ECHS1: variants seen among roughly 807,000 people sequenced by gnomAD.
ECHS1 encodes the protein enoyl-CoA hydratase, mitochondrial.
ECHS1 carries 19 observed loss-of-function variants against 33.5 expected under a neutral mutation model. The ratio of observed to expected loss-of-function variants is 0.57; its 90% CI spans 0.40 to 0.83. The LOEUF (loss-of-function observed/expected upper bound fraction) is 0.83. ECHS1 is among the 40% of genes least tolerant of loss of function. ECHS1 has a pLI of 0.00. For missense variants in ECHS1, 365 were observed against 381.3 expected, an observed-to-expected ratio of 0.96 and a Z score of 0.36; for synonymous variants, 158 against 146.6, an observed-to-expected ratio of 1.08 and a Z score of -0.56.
intron 5 of ECHS1, among the ~76,000 whole-genome samples, chr10:133,366,575 G>A (rs530755016): frequency 6.6e-6 from 1 of 152,392 alleles, no homozygotes; most frequent in East Asian, 1.9e-4. Context: ...ACCACCGTGG[G>A]GGCACTTGGA....
chr10:133,369,406 C>T (rs113253592), intron 3 of ECHS1, among the ~76,000 whole-genome samples: 434 of 26,412 alleles, frequency 0.016, 7 homozygotes, highest in African/African-American at 0.024. Context: ...TCCGCAGACC[C>T]CTGGTTTACA....
intron 4 of ECHS1, among the ~76,000 whole-genome samples, chr10:133,368,160 C>T (rs142085958): frequency 1.3e-5 from 2 of 152,314 alleles, no homozygotes; most frequent in East Asian, 3.9e-4. Flanking sequence ...CTACACTCCC[C>T]CAACACCCTG....
chr10:133,370,834 C>T, intron 1 of ECHS1, 77 bp from the exon 2 acceptor site: 2 of 1,468,162 alleles, frequency 1.4e-6, no homozygotes, highest in South Asian at 2.7e-5. Context: ...GGATGTGGCC[C>T]CATCGGTGGA....
chr10:133,370,136 A>C (rs1849084284), intron 2 of ECHS1, 105 bp from the exon 3 acceptor site: 1 of 1,496,350 alleles, frequency 6.7e-7, no homozygotes, highest in South Asian at 1.3e-5. Flanking sequence ...AGACACAGGC[A>C]GTGGGGTTGC....
Position 133,373,295 on chromosome 10 carries a change from G to A in ECHS1, c.39C>T (p.Gly13=), listed in dbSNP as rs750839674. The A allele has an allele frequency of 6.7e-7, 1 of 1,486,698 alleles. No homozygotes were observed. Among genetic ancestry groups the A allele is most frequent in the Admixed American group, 2.3e-5 (1 of 44,114 alleles). 92.1% of individuals were successfully genotyped at this position (1,486,698 alleles called of 1,614,324 possible). ...ALRVLLSCVR[G]PLRPPVRCPA... ...GACAGCGAACCGGGGGCCTCAGCGG[G>A]CCGCGGACGCAGGACAGCAGGACAC... The change falls in exon 1 of 8, where the codon GGC becomes GGT. Residue 13 remains glycine (G), a synonymous_variant. Coordinates refer to ENST00000368547, the MANE Select transcript of ECHS1 (RefSeq NM_004092.4).
chr10:133,366,775 C>CCCTGGGTTTCTGTGGGGCT (rs1479731234), intron 5 of ECHS1, 114 bp downstream of exon 5: 1 of 741,316 alleles, frequency 1.3e-6, no homozygotes, highest in African/African-American at 1.8e-5. Context: ...CTGGATGCTG[C>CCCTGGGTTTCTGTGGGGCT]CCCGGGTTTC....
At position 133,362,615 on chromosome 10, in the gene ECHS1, C is replaced by CAT. The variant is rs1201447273; in HGVS notation, c.*251_*252dup. ...GGCCCCGCTTTCCGTCCGAGCACAG[C>CAT]ATGCCCAGAGGGACCAGCGGGGGCT... On this transcript the variant is annotated 3_prime_UTR_variant, in exon 8 of 8. Transcript: ENST00000368547. The CAT allele has an allele frequency of 3.7e-6, 2 of 542,080 alleles. No individual in the cohort carries two copies. Among genetic ancestry groups the CAT allele is most frequent in the Non-Finnish European group, 6.6e-6 (2 of 301,622 alleles). 33.6% of individuals were successfully genotyped at this position (542,080 alleles called of 1,614,324 possible). A position where few individuals can be genotyped will look rare whatever the true frequency, so the allele number is the denominator to read the frequency against.
At chr10:133,373,180 C>G in intron 1 of ECHS1, 66 bp downstream of exon 1, 1 of 1,291,948 alleles carries the variant, frequency 7.7e-7, no homozygotes, top group Non-Finnish European at 1.0e-6. Flanking sequence ...GGTCTGGGAT[C>G]TGGTCTGGGC....
chr10:133,363,001 C>T (rs909736957), intron 7 of ECHS1, 68 bp from the exon 8 acceptor site: 21 of 1,564,598 alleles, frequency 1.3e-5, no homozygotes, highest in African/African-American at 2.7e-5. Context: ...TGCCAATGTC[C>T]GCCCGTCTCT....
intron 1 of ECHS1, 100 bp from the exon 2 acceptor site, chr10:133,370,857 C>T (rs1339533687): frequency 1.6e-6 from 2 of 1,267,788 alleles, no homozygotes; most frequent in African/African-American, 1.5e-5. Context: ...CAGTGTGACC[C>T]CAAGAGGCCC....
intron 3 of ECHS1, among the ~76,000 whole-genome samples, chr10:133,369,592 C>T (rs905178282): frequency 1.3e-5 from 2 of 152,158 alleles, no homozygotes; most frequent in Non-Finnish European, 2.9e-5. Flanking sequence ...CAAATAGTCC[C>T]AGGACACAGA....
chr10:133,372,670 G>C (rs1379574598), intron 1 of ECHS1, among the ~76,000 whole-genome samples: 1 of 138,148 alleles, frequency 7.2e-6, no homozygotes, highest in East Asian at 2.0e-4. Flanking sequence ...GCCTCCTGCA[G>C]AGCCAGGCAG....
chr10:133,364,146 T>C (rs1002655663), intron 7 of ECHS1, among the ~76,000 whole-genome samples: 8 of 152,206 alleles, frequency 5.3e-5, no homozygotes, highest in African/African-American at 9.6e-5. Flanking sequence ...GGTTTCGTCA[T>C]GTTGCCCAGG....
chr10:133,373,189 G>T (rs942234917), intron 1 of ECHS1, 57 bp downstream of exon 1: 2 of 1,336,628 alleles, frequency 1.5e-6, no homozygotes, highest in African/African-American at 1.5e-5. Context: ...TCTGGTCTGG[G>T]CGTGCAGGTC....
rs186464506 is a variant in ECHS1, at chr10:133,366,773, T to A, written c.619+116A>T. On this transcript the variant is annotated intron_variant, in intron 5 of 7. Transcript: ENST00000368547. The stretch of plus-strand genomic sequence containing the variant: ...ACCCATGAGGGGGACACCTGGATGC[T>A]GCCCCGGGTTTCTGTGGGGCTCCCC... The A allele has an allele frequency of 2.7e-4, 196 of 718,070 alleles. 2 individuals are homozygous for A. The African/African-American group carries it at 3.5e-3, about 13-fold the overall frequency. The allele number at this position is 718,070 out of a possible 1,614,324, so 44.5% of individuals were successfully genotyped here. A position where few individuals can be genotyped will look rare whatever the true frequency, so the allele number is the denominator to read the frequency against.
chr10:133,367,372 A>G (rs1589881334), intron 4 of ECHS1, among the ~76,000 whole-genome samples: 1 of 151,524 alleles, frequency 6.6e-6, no homozygotes, highest in East Asian at 1.9e-4. Context: ...TCTTAATATT[A>G]CTCTTTGTTG....
chr10:133,370,560 C>T lies in ECHS1; in HGVS notation c.286G>A (p.Ala96Thr). The part of the protein sequence containing the change: ...VLTGGDKAFA[A>T]GADIKEMQNL... ...CAAAGGCCTCTGCTGCCGCGCGTACCTGCAAAGGCCTTATCCCCGCCGGTG... is the reference window on the plus strand; with the variant it reads ...CAAAGGCCTCTGCTGCCGCGCGTACTTGCAAAGGCCTTATCCCCGCCGGTG... Residue 96 changes from alanine (A) to threonine (T), a missense_variant and splice_region_variant, in exon 2 of 8, where the codon GCT becomes ACT. Physicochemically the swap from Ala to Thr is moderately conservative, Grantham distance 58. Coordinates refer to ENST00000368547, the MANE Select transcript of ECHS1 (RefSeq NM_004092.4). 1 of 1,567,698 alleles carries T rather than the reference C, an allele frequency of 6.4e-7. No individual in the cohort carries two copies. Among genetic ancestry groups the T allele is most frequent in the Non-Finnish European group, 8.6e-7 (1 of 1,156,670 alleles).
intron 6 of ECHS1, among the ~76,000 whole-genome samples, chr10:133,365,762 C>T (rs923840711): frequency 1.2e-4 from 19 of 152,216 alleles, no homozygotes; most frequent in African/African-American, 4.3e-4. Context: ...GTTCTTGGGC[C>T]CTGGTACAAA....
intron 1 of ECHS1, among the ~76,000 whole-genome samples, chr10:133,372,154 C>T (rs536929638): frequency 6.6e-6 from 1 of 152,148 alleles, no homozygotes; most frequent in African/African-American, 2.4e-5. Flanking sequence ...CAGCAGTGCC[C>T]GCCATGCAAG....
Sources: allele counts gnomAD v4.1 joint callset (sites outside exome capture counted in the v4.1 genomes callset), GRCh38; gene constraint gnomAD v4.1.1; transcripts MANE v1.5; gene names NCBI Gene and HGNC (gene_info 2026-07-23, HGNC 2026-07-21).